The following UMAD1 variants were observed in gnomAD, a reference collection of about 807,000 sequenced individuals.
UMAD1 encodes the protein UBAP1-MVB12-associated (UMA) domain containing 1, also known as UBAP1-MVB12-associated (UMA)-domain containing protein 1.
In UMAD1, 8 loss-of-function variants were observed where a neutral mutation model predicts 6.1. The observed-to-expected ratio is 1.30, with a 90% CI of 0.76 to 2.35. The LOEUF is 2.35. Among genes scored for constraint, UMAD1 ranks in the 30% most tolerant of loss-of-function variants. The pLI, the probability that UMAD1 is intolerant of heterozygous loss-of-function variation, is 0.00. For synonymous variants in UMAD1, 56 were observed against 31.4 expected, an observed-to-expected ratio of 1.78 and a Z score of -2.61; for missense variants, 130 against 78.4, an observed-to-expected ratio of 1.66 and a Z score of -2.49.
intron 1 of UMAD1, among the ~76,000 whole-genome samples, chr7:7,650,169 T>C (rs1018308272): frequency 1.3e-5 from 2 of 152,230 alleles, no homozygotes; most frequent in Admixed American, 1.3e-4. Flanking sequence ...TCTAGAGATT[T>C]AGTTCTGTTT....
chr7:7,872,582 A>G (rs1383048801), intron 3 of UMAD1, among the ~76,000 whole-genome samples: 1 of 152,270 alleles, frequency 6.6e-6, no homozygotes, highest in Non-Finnish European at 1.5e-5. Context: ...TAATAATGTG[A>G]CATAGACACA....
At chr7:7,870,456 GTCTTT>G (rs1784312584) in intron 3 of UMAD1, among the ~76,000 whole-genome samples, 2 of 152,142 alleles carry the variant, frequency 1.3e-5, no homozygotes, top group African/African-American at 2.4e-5. Context: ...GGTTAATTGA[GTCTTT>G]TCTTCTTGCT....
At chr7:7,860,800 AT>A (rs1327137003) in intron 3 of UMAD1, among the ~76,000 whole-genome samples, 4 of 71,342 alleles carry the variant, frequency 5.6e-5, no homozygotes, top group African/African-American at 3.3e-4. Flanking sequence ...AACAAAAAAA[AT>A]AATAATAATA....
chr7:7,643,301 C>CAGAT (rs1785016871), intron 1 of UMAD1, among the ~76,000 whole-genome samples: 2 of 152,192 alleles, frequency 1.3e-5, no homozygotes, highest in South Asian at 4.1e-4. Context: ...AAGGAAGCCT[C>CAGAT]AGATGGGCGT....
intron 3 of UMAD1, among the ~76,000 whole-genome samples, chr7:7,867,229 A>G (rs1784249337): frequency 6.6e-6 from 1 of 152,226 alleles, no homozygotes; most frequent in African/African-American, 2.4e-5. Context: ...AATGTATAAT[A>G]GGAGTTGAAC....
chr7:7,817,224 AT>A (rs1182034014), intron 3 of UMAD1, among the ~76,000 whole-genome samples: 1 of 152,210 alleles, frequency 6.6e-6, no homozygotes, highest in Non-Finnish European at 1.5e-5. Flanking sequence ...CTTCAATGCC[AT>A]TTAGTCTCCC....
chr7:7,814,347 T>C (rs775601453), intron 3 of UMAD1, among the ~76,000 whole-genome samples: 10 of 152,308 alleles, frequency 6.6e-5, no homozygotes, highest in Non-Finnish European at 1.5e-4. Context: ...CTCATGGCCA[T>C]TGTAAATTTT....
chr7:7,777,964 A>G (rs140908181), intron 2 of UMAD1, among the ~76,000 whole-genome samples: 55 of 152,250 alleles, frequency 3.6e-4, no homozygotes, highest in African/African-American at 1.3e-3. Flanking sequence ...CTCTCCCCTT[A>G]TTAAAAGGCC....
At chr7:7,759,189 A>G (rs1156984441) in intron 2 of UMAD1, among the ~76,000 whole-genome samples, 1 of 152,208 alleles carries the variant, frequency 6.6e-6, no homozygotes, top group East Asian at 1.9e-4. Flanking sequence ...TCCATTTGCA[A>G]CATTTTTGAG....
Position 7,830,681 on chromosome 7 carries a change from T to C in UMAD1, c.156+28938T>C, listed in dbSNP as rs1264316523. Among the ~76,000 whole-genome samples, 1 of 152,156 alleles carries C rather than the reference T, an allele frequency of 6.6e-6. No homozygotes were observed. Among genetic ancestry groups the C allele is most frequent in the Non-Finnish European group, 1.5e-5 (1 of 68,024 alleles). The stretch of plus-strand genomic sequence containing the variant: ...TCTATTTCAATGGTTTTCTTTATTC[T>C]AATGTCAGATATTGCCTCAGAACCT... On this transcript the variant is annotated intron_variant, in intron 3 of 3. Transcript: ENST00000682710. This position sits in a 1 kb window ranked among gnomAD's most constrained non-coding sequence, Gnocchi z 5.3.
chr7:7,669,222 C>A (rs1174599357), intron 1 of UMAD1, among the ~76,000 whole-genome samples: 1 of 152,036 alleles, frequency 6.6e-6, no homozygotes, highest in Non-Finnish European at 1.5e-5. Context: ...TGGAACATGT[C>A]CCCCATGGAT....
intron 2 of UMAD1, among the ~76,000 whole-genome samples, chr7:7,786,002 A>G (rs1782454619): frequency 6.6e-6 from 1 of 152,254 alleles, no homozygotes; most frequent in African/African-American, 2.4e-5. Context: ...TTTCAAACTT[A>G]AAAGGTCACA....
chr7:7,646,471 T>C (rs1227421387), intron 1 of UMAD1, among the ~76,000 whole-genome samples: 4 of 137,944 alleles, frequency 2.9e-5, no homozygotes, highest in Non-Finnish European at 6.2e-5. Context: ...GGGAAACCCC[T>C]TTCGCTGGAT....
At chr7:7,674,437 G>T (rs1779688047) in intron 2 of UMAD1, among the ~76,000 whole-genome samples, 1 of 152,186 alleles carries the variant, frequency 6.6e-6, no homozygotes, top group African/African-American at 2.4e-5. Flanking sequence ...CTTTACTATA[G>T]AATTTTCCAT....
intron 1 of UMAD1, among the ~76,000 whole-genome samples, chr7:7,656,807 TA>T (rs1177109098): frequency 1.3e-5 from 2 of 152,252 alleles, no homozygotes. Context: ...TAGAATGATT[TA>T]TAATCCTTTG....
intron 3 of UMAD1, among the ~76,000 whole-genome samples, chr7:7,862,265 G>T (rs1189751554): frequency 6.6e-6 from 1 of 152,076 alleles, no homozygotes. Flanking sequence ...AAAATGGAAA[G>T]TGTTCCATTT....
chr7:7,676,955 CAT>C (rs1029581838), intron 2 of UMAD1, among the ~76,000 whole-genome samples: 10 of 152,042 alleles, frequency 6.6e-5, no homozygotes, highest in Non-Finnish European at 1.3e-4. Context: ...TCTATACTGA[CAT>C]ATATAATATC....
intron 2 of UMAD1, among the ~76,000 whole-genome samples, chr7:7,719,656 G>A (rs1468761): frequency 1.3e-5 from 2 of 151,634 alleles, no homozygotes; most frequent in South Asian, 2.1e-4. Context: ...TTTTTTTCAC[G>A]TTAGTGACTA....
chr7:7,821,702 C>T (rs1019699282), intron 3 of UMAD1, among the ~76,000 whole-genome samples: 3 of 152,132 alleles, frequency 2.0e-5, no homozygotes, highest in Non-Finnish European at 4.4e-5. Context: ...TAATAGCAAT[C>T]GATAGATACG....
Sources: allele counts gnomAD v4.1 joint callset (sites outside exome capture counted in the v4.1 genomes callset), GRCh38; gene constraint gnomAD v4.1.1; non-coding constraint Gnocchi (gnomAD v3.1); transcripts MANE v1.5; gene names NCBI Gene and HGNC (gene_info 2026-07-23, HGNC 2026-07-21).